The following NOC3L variants were observed in gnomAD, a reference collection of about 807,000 sequenced individuals.
NOC3L encodes the protein nucleolar complex protein 3 homolog.
NOC3L carries 85 observed loss-of-function variants against 102.5 expected under a neutral mutation model. The ratio of observed to expected loss-of-function variants is 0.83; its 90% CI spans 0.70 to 0.99. The LOEUF (loss-of-function observed/expected upper bound fraction) is 0.99. Among genes scored for constraint, NOC3L ranks in the 50% least tolerant of loss-of-function variants. The pLI is 0.00. For missense variants in NOC3L, 878 were observed against 914.9 expected, an observed-to-expected ratio of 0.96 and a Z score of 0.52; for synonymous variants, 303 against 309.4, an observed-to-expected ratio of 0.98 and a Z score of 0.22.
chr10:94,352,397 T>C lies in NOC3L; in HGVS notation c.865A>G (p.Lys289Glu). The C allele has an allele frequency of 6.2e-7, 1 of 1,612,370 alleles. No homozygotes were observed. The highest frequency in any genetic ancestry group is 8.5e-7 in the Non-Finnish European group (1 of 1,179,074). ...TEAEKSTKTR[K>E]ETQKLREFEE... ...AATTCTCTTAACTTCTGGGTTTCTT[T>C]TCGGGTCTGAAAAGACCAAAAAGGT... Residue 289 changes from lysine (K) to glutamate (E), a missense_variant, in exon 8 of 21, where the codon AAA becomes GAA. Physicochemically the swap from Lys to Glu is moderately conservative, Grantham distance 56 (BLOSUM62 1). Transcript: ENST00000371361.
intron 16 of NOC3L, 73 bp from the exon 17 acceptor site, chr10:94,339,993 T>C: frequency 7.5e-7 from 1 of 1,328,194 alleles, no homozygotes; most frequent in Non-Finnish European, 1.0e-6. Flanking sequence ...GAACTTCAGA[T>C]AAACCCAAGA....
chr10:94,344,386 TAA>T (rs1434959295), intron 13 of NOC3L, 27 bp downstream of exon 13: 3 of 1,472,250 alleles, frequency 2.0e-6, no homozygotes, highest in Non-Finnish European at 2.8e-6. Flanking sequence ...AGAAGGAATC[TAA>T]AAGATTTCAA....
chr10:94,328,114 A>C, the NOC3L span: 1 of 391,146 alleles, frequency 2.6e-6, no homozygotes, highest in Non-Finnish European at 5.4e-6. Context: ...AAAATGGCAC[A>C]GGGCTAGTTG....
intron 12 of NOC3L, 63 bp downstream of exon 12, chr10:94,344,790 T>C: frequency 7.5e-7 from 1 of 1,330,458 alleles, no homozygotes; most frequent in South Asian, 1.3e-5. Context: ...GCTGAAACAA[T>C]AAATTTCTAG....
At chr10:94,329,461 T>C (rs1440693051), downstream of NOC3L, 1 of 152,198 alleles carries the variant, frequency 6.6e-6, no homozygotes. Flanking sequence ...ATGTGTTTCT[T>C]GCATATTCTA....
intron 14 of NOC3L, among the ~76,000 whole-genome samples, chr10:94,341,280 G>A (rs56037310): frequency 0.012 from 1,757 of 152,050 alleles, 49 homozygotes; most frequent in African/African-American, 0.04. Flanking sequence ...TTTCAAAATA[G>A]CTAGGAGGGA....
chr10:94,321,935 A>G, the NOC3L span: 2 of 1,613,664 alleles, frequency 1.2e-6, no homozygotes, highest in Non-Finnish European at 1.7e-6. Flanking sequence ...CAAGATGACA[A>G]AGAGGTGATC....
At chr10:94,329,781 A>C (rs2054135706), downstream of NOC3L, 1 of 106,604 alleles carries the variant, frequency 9.4e-6, no homozygotes, top group Non-Finnish European at 2.0e-5. Flanking sequence ...CGTCTCAAAA[A>C]AAAAAAAAAA....
At chr10:94,334,801 T>A in intron 19 of NOC3L, 83 bp from the exon 20 acceptor site, 2 of 994,188 alleles carry the variant, frequency 2.0e-6, no homozygotes, top group Non-Finnish European at 3.1e-6. Flanking sequence ...AGAGAATGAT[T>A]CATTCTTAAC....
chr10:94,322,115 C>T, the NOC3L span: 10 of 1,516,352 alleles, frequency 6.6e-6, no homozygotes, highest in Admixed American at 1.7e-4. Flanking sequence ...ATTATTGGAA[C>T]AAATGTCTGT....
At chr10:94,320,956 A>G in the NOC3L span, among the ~76,000 whole-genome samples, 1 of 152,192 alleles carries the variant, frequency 6.6e-6, no homozygotes, top group East Asian at 1.9e-4. Context: ...TGAGAATGGG[A>G]AAAGTTTGGT....
In NOC3L at chr10:94,353,009, C is replaced by T; in HGVS notation, c.745G>A (p.Asp249Asn). The T allele has an allele frequency of 6.2e-7, 1 of 1,613,766 alleles. No individual in the cohort carries two copies. The highest frequency in any genetic ancestry group is 8.5e-7 in the Non-Finnish European group (1 of 1,179,776). ...AGCTTTCGAACAGTAACAGCCACAT[C>T]AGGATCTTGTTCCATCAACATAGAA... is the stretch of plus-strand genomic sequence containing the variant. ...LRSMLMEQDP[D>N]VAVTVRKLVI... The change falls in exon 7 of 21, where the codon GAT becomes AAT. Residue 249 changes from aspartate to asparagine, a missense_variant. By Grantham distance (23) the Asp-to-Asn change is conservative. Coordinates refer to ENST00000371361, the MANE Select transcript of NOC3L (RefSeq NM_022451.11).
chr10:94,339,687 A>G (rs2054259392), intron 17 of NOC3L, 52 bp downstream of exon 17: 1 of 1,463,910 alleles, frequency 6.8e-7, no homozygotes, highest in African/African-American at 1.4e-5. Context: ...TCAAACAAAA[A>G]AAATCATTGC....
chr10:94,338,611 C>A lies in NOC3L; in HGVS notation c.2088G>T (p.Leu696=). The A allele has an allele frequency of 6.5e-7, 1 of 1,544,352 alleles. No individual in the cohort carries two copies. The highest frequency in any genetic ancestry group is 1.3e-5 in the South Asian group (1 of 77,626). ...QNTALWELHA[L]RRHYHPIVQR... ...AAAAAACCAGGGCCACTCTTACCCG[C>A]AGAGCATGCAGTTCCCACAGAGCAG... The change falls in exon 18 of 21, where the codon CTG becomes CTT. Residue 696 remains leucine, a synonymous_variant. Coordinates refer to ENST00000371361, the MANE Select transcript of NOC3L (RefSeq NM_022451.11).
intron 12 of NOC3L, 104 bp from the exon 13 acceptor site, chr10:94,344,619 C>T (rs2054322477): frequency 2.6e-6 from 2 of 763,294 alleles, no homozygotes; most frequent in Admixed American, 2.6e-5. Context: ...CCCTACCCAT[C>T]CCTCCCCACA....
rs190862469 is a variant in NOC3L at position 94,343,492 on chromosome 10, T to C, written c.1571+923A>G. On this transcript the variant is annotated intron_variant, in intron 13 of 20. Coordinates refer to ENST00000371361, the MANE Select transcript of NOC3L (RefSeq NM_022451.11). ...AGGACCGTATCACCATATAAGGAAA[T>C]GCATACCATTGCCAAATAGCTCCAG... Among the ~76,000 whole-genome samples, 601 of 152,362 alleles carry C rather than the reference T, an allele frequency of 3.9e-3. 2 individuals carry two copies. Among genetic ancestry groups the C allele is most frequent in the Admixed American group, 7.4e-3 (113 of 15,314 alleles).
At chr10:94,338,986 A>G (rs2054252504) in intron 17 of NOC3L, among the ~76,000 whole-genome samples, 1 of 152,230 alleles carries the variant, frequency 6.6e-6, no homozygotes, top group African/African-American at 2.4e-5. Flanking sequence ...TATGCTTCTC[A>G]CCTTGCAATC....
At chr10:94,325,859 T>G in the NOC3L span, among the ~76,000 whole-genome samples, 21 of 152,180 alleles carry the variant, frequency 1.4e-4, no homozygotes, top group Non-Finnish European at 2.9e-4. Flanking sequence ...TTAGGTTTGA[T>G]GTAGCTTCAA....
chr10:94,321,629 GAAAA>G, the NOC3L span, among the ~76,000 whole-genome samples: 1 of 104,656 alleles, frequency 9.6e-6, no homozygotes, highest in Middle Eastern at 4.6e-3. Flanking sequence ...CTCCATCTCA[GAAAA>G]AAAAAAAAAA....
Sources: allele counts gnomAD v4.1 joint callset (sites outside exome capture counted in the v4.1 genomes callset), GRCh38; gene constraint gnomAD v4.1.1; transcripts MANE v1.5; gene names NCBI Gene and HGNC (gene_info 2026-07-23, HGNC 2026-07-21).